The following CDC14A variants were observed in gnomAD, a reference collection of about 807,000 sequenced individuals.
The protein encoded by CDC14A is cell division cycle 14A.
CDC14A carries 53 observed loss-of-function variants against 74.4 expected under a neutral mutation model. That is an observed-to-expected ratio of 0.71 (90% CI 0.57 to 0.89). The LOEUF (loss-of-function observed/expected upper bound fraction) is 0.89, where lower values mean the gene tolerates loss of function less well. Among genes scored for constraint, CDC14A ranks in the 40% least tolerant of loss-of-function variants. The probability of loss-of-function intolerance (pLI) is 0.00; values close to 1 mark genes in which losing one functional copy is unlikely to be tolerated. For missense variants in CDC14A, 646 were observed against 713.7 expected, an observed-to-expected ratio of 0.91 and a Z score of 1.08; for synonymous variants, 247 against 258.4, an observed-to-expected ratio of 0.96 and a Z score of 0.43.
chr1:100,412,245 A>C (rs1031005908), intron 4 of CDC14A, among the ~76,000 whole-genome samples: 2 of 152,094 alleles, frequency 1.3e-5, no homozygotes, highest in Non-Finnish European at 2.9e-5. Context: ...GATTTCTCTT[A>C]TGCTACTCTG....
chr1:100,347,235 G>T (rs1255505411), intron 1 of CDC14A, among the ~76,000 whole-genome samples: 1 of 152,192 alleles, frequency 6.6e-6, no homozygotes, highest in Non-Finnish European at 1.5e-5. Context: ...CCAGCTATGT[G>T]AGTTTGGGAA....
intron 4 of CDC14A, among the ~76,000 whole-genome samples, chr1:100,394,505 T>C (rs573109951): frequency 6.6e-6 from 1 of 152,320 alleles, no homozygotes; most frequent in South Asian, 2.1e-4. Context: ...TTTGAAAGGA[T>C]TAAATTAGAT....
At chr1:100,404,437 G>T (rs1284654899) in intron 4 of CDC14A, among the ~76,000 whole-genome samples, 2 of 152,256 alleles carry the variant, frequency 1.3e-5, no homozygotes, top group Non-Finnish European at 1.5e-5. Flanking sequence ...ACAAATGCTT[G>T]TAGGGGCTTT....
chr1:100,361,776 G>A (rs997784247), intron 2 of CDC14A, among the ~76,000 whole-genome samples: 8 of 152,230 alleles, frequency 5.3e-5, no homozygotes, highest in African/African-American at 1.9e-4. Context: ...CTGTTTGGAT[G>A]TCAGTAAATT....
chr1:100,377,702 A>G, intron 3 of CDC14A, 81 bp downstream of exon 3: 1 of 986,326 alleles, frequency 1.0e-6, no homozygotes. Flanking sequence ...GGTGTGCACA[A>G]AACATTTAGT....
Position 100,499,115 on chromosome 1 carries a change from C to A in CDC14A, c.1608C>A (p.Tyr536Ter). The A allele has an allele frequency of 6.2e-7, 1 of 1,614,174 alleles. No individual in the cohort carries two copies. Among genetic ancestry groups the A allele is most frequent in the Non-Finnish European group, 8.5e-7 (1 of 1,180,026 alleles). The change falls in exon 15 of 16, where the codon TAC (tyrosine) becomes TAA (stop). Residue 536 changes from tyrosine (Y) to a stop codon, truncating the protein, a stop_gained. Transcript: ENST00000336454. LOFTEE classifies it high-confidence loss of function. Reference protein sequence around the residue: ...RNYPELNNNQYNRSSNSNGGN... With the variant: ...RNYPELNNNQ The stretch of plus-strand genomic sequence containing the variant: ...ACCCTGAGCTCAACAATAATCAGTA[C>A]AACAGAAGCAGCAACAGCAACGGGG...
intron 3 of CDC14A, among the ~76,000 whole-genome samples, chr1:100,386,167 A>G (rs961857367): frequency 6.9e-6 from 1 of 145,394 alleles, no homozygotes; most frequent in African/African-American, 2.5e-5. Context: ...ATAGTATTTA[A>G]AAAAAAAAAA....
chr1:100,396,524 A>T (rs1303958569), intron 4 of CDC14A, among the ~76,000 whole-genome samples: 1 of 152,234 alleles, frequency 6.6e-6, no homozygotes, highest in Non-Finnish European at 1.5e-5. Context: ...CTTCCCCTTT[A>T]CCAGAATATT....
chr1:100,377,926 T>C (rs1159605650), intron 3 of CDC14A, among the ~76,000 whole-genome samples: 1 of 152,208 alleles, frequency 6.6e-6, no homozygotes, highest in African/African-American at 2.4e-5. Context: ...AATTCCCTCC[T>C]AGGATAATTT....
In CDC14A at chr1:100,495,996, C is replaced by A; in HGVS notation, c.1251-6C>A. On this transcript the variant is annotated splice_region_variant and splice_polypyrimidine_tract_variant and intron_variant, in intron 12 of 15. Coordinates refer to ENST00000336454, the MANE Select transcript of CDC14A (RefSeq NM_003672.4). ...ATATGTGAGCATCTGTCTTTGATTT[C>A]CGCAGGTCAGATGATACAAAAGGAC... 1 of 1,613,376 alleles carries A rather than the reference C, an allele frequency of 6.2e-7. No homozygotes were observed. The highest frequency in any genetic ancestry group is 1.1e-5 in the South Asian group (1 of 91,064).
At chr1:100,393,204 T>A in intron 4 of CDC14A, 1 of 1,594,604 alleles carries the variant, frequency 6.3e-7, no homozygotes, top group Non-Finnish European at 8.6e-7. Flanking sequence ...TTGCATGTTC[T>A]TTCTCTGCCA....
rs534605277 is a variant in CDC14A at position 100,470,572 on chromosome 1, A to C, written c.977+2478A>C. Among the ~76,000 whole-genome samples, 16 of 152,300 alleles carry C rather than the reference A, an allele frequency of 1.1e-4. No homozygotes were observed. In the South Asian group the frequency reaches 3.1e-3, roughly 30 times the overall value. ...GCTAATTAAAAGACACACAGTATAT[A>C]TATCTGACAAAAGACTTGTACACAT... is the stretch of plus-strand genomic sequence containing the variant. On this transcript the variant is annotated intron_variant, in intron 10 of 15. Transcript: ENST00000336454.
rs1254335851 is a variant in CDC14A at position 100,455,242 on chromosome 1, G to A, written c.520-163G>A. ...CTAAAGCGGATTGAATTCCTAAATA[G>A]CATTTTGAGAATCAGGTGCATGTTT... On this transcript the variant is annotated intron_variant, in intron 7 of 15. Coordinates refer to ENST00000336454, the MANE Select transcript of CDC14A (RefSeq NM_003672.4). Among the ~76,000 whole-genome samples the A allele has an allele frequency of 2.0e-5, 3 of 152,052 alleles. No homozygotes were observed. In the East Asian group the frequency reaches 5.8e-4, roughly 29 times the overall value.
intron 5 of CDC14A, among the ~76,000 whole-genome samples, chr1:100,432,913 GA>G (rs1292492537): frequency 6.6e-6 from 1 of 152,146 alleles, no homozygotes; most frequent in African/African-American, 2.4e-5. Context: ...TTCAGAAATA[GA>G]GTCTCACTCT....
At chr1:100,509,406 C>G (rs1197390765) in intron 15 of CDC14A, among the ~76,000 whole-genome samples, 1 of 152,152 alleles carries the variant, frequency 6.6e-6, no homozygotes, top group Non-Finnish European at 1.5e-5. Context: ...TAGAAAATGT[C>G]TTTTATTTTT....
intron 4 of CDC14A, among the ~76,000 whole-genome samples, chr1:100,391,255 T>A (rs149347803): frequency 0.012 from 1,803 of 152,296 alleles, 18 homozygotes; most frequent in Middle Eastern, 0.02. Context: ...TGTTATTATT[T>A]TTATCAATCC....
intron 11 of CDC14A, among the ~76,000 whole-genome samples, chr1:100,490,940 T>C (rs527640206): frequency 1.2e-4 from 19 of 152,334 alleles, no homozygotes; most frequent in Middle Eastern, 3.4e-3. Flanking sequence ...AGTTGGAATT[T>C]ACAATGGTAC....
chr1:100,456,655 A>G (rs1666728489), intron 8 of CDC14A, among the ~76,000 whole-genome samples: 1 of 151,528 alleles, frequency 6.6e-6, no homozygotes, highest in African/African-American at 2.4e-5. Flanking sequence ...AAAAAAAAAG[A>G]TTTATTTTTC....
chr1:100,399,849 T>C (rs1659028062), intron 4 of CDC14A, among the ~76,000 whole-genome samples: 1 of 147,510 alleles, frequency 6.8e-6, no homozygotes, highest in South Asian at 2.1e-4. Context: ...GCCCAGACCC[T>C]GACTCAAAAA....
Sources: allele counts gnomAD v4.1 joint callset (sites outside exome capture counted in the v4.1 genomes callset), GRCh38; gene constraint gnomAD v4.1.1; transcripts MANE v1.5; gene names NCBI Gene and HGNC (gene_info 2026-07-23, HGNC 2026-07-21).